Variants in LARS1 observed in about 807,000 individuals in gnomAD.
The protein encoded by LARS1 is leucine--tRNA ligase, cytoplasmic.
Under a neutral mutation model 162.8 loss-of-function variants are expected in LARS1, and 100 were observed. The ratio of observed to expected loss-of-function variants is 0.61; its 90% CI spans 0.52 to 0.73. LARS1 has a LOEUF of 0.73. LARS1 is among the 30% of genes least tolerant of loss of function. The pLI, the probability that LARS1 is intolerant of heterozygous loss-of-function variation, is 0.00. For missense variants in LARS1, 1,258 were observed against 1,408.9 expected (o/e 0.89, Z 1.71); for synonymous variants, 457 against 462.8 (o/e 0.99, Z 0.16).
At chr5:146,167,086 C>T (rs1324264760) in intron 5 of LARS1, among the ~76,000 whole-genome samples, 4 of 151,982 alleles carry the variant, frequency 2.6e-5, no homozygotes, top group East Asian at 3.9e-4. Context: ...GACCCGTATT[C>T]GTTAAAAGTA....
chr5:146,172,717 C>A lies in LARS1; in HGVS notation c.183G>T (p.Leu61Phe). Residue 61 changes from leucine to phenylalanine, a missense_variant, in exon 3 of 32, where the codon TTG becomes TTT. Physicochemically the swap from Leu to Phe is conservative, Grantham distance 22. Transcript: ENST00000394434. ...PYPYMNGRLHLGHTFSLSKCE... is the reference protein window; with the variant it reads ...PYPYMNGRLHFGHTFSLSKCE... ...ATTTGGATAAAGAAAACGTGTGTCC[C>A]AAATGAAGGCGTCCATTCATATATG... The A allele has an allele frequency of 6.3e-7, 1 of 1,584,304 alleles. No homozygotes were observed. The highest frequency in any genetic ancestry group is 8.6e-7 in the Non-Finnish European group (1 of 1,166,606).
intron 13 of LARS1, 84 bp from the exon 14 acceptor site, chr5:146,152,086 C>A: frequency 7.1e-7 from 1 of 1,406,214 alleles, no homozygotes; most frequent in Middle Eastern, 1.8e-4. Flanking sequence ...CCTCTAATGT[C>A]CAATTAAGTC....
chr5:146,136,653 T>C (rs1202352720), intron 21 of LARS1, among the ~76,000 whole-genome samples: 1 of 152,064 alleles, frequency 6.6e-6, no homozygotes, highest in African/African-American at 2.4e-5. Flanking sequence ...AGCTAATTTT[T>C]GTACTGTTAG....
intron 28 of LARS1, among the ~76,000 whole-genome samples, chr5:146,125,040 A>G (rs1433518158): frequency 1.3e-5 from 2 of 151,654 alleles, no homozygotes; most frequent in African/African-American, 4.8e-5. Context: ...CTATATATAT[A>G]TACATATACA....
intron 4 of LARS1, among the ~76,000 whole-genome samples, chr5:146,169,838 C>A (rs1457849187): frequency 6.6e-6 from 1 of 152,010 alleles, no homozygotes; most frequent in Non-Finnish European, 1.5e-5. Context: ...CGTGAGCCAC[C>A]GTGTCTGGCC....
chr5:146,124,061 C>G lies in LARS1; in HGVS notation c.3017G>C (p.Arg1006Pro), dbSNP rs986551702. Residue 1006 changes from arginine to proline, a missense_variant, in exon 29 of 32, where the codon CGT becomes CCT. By Grantham distance (103) the Arg-to-Pro change is moderately radical. Transcript: ENST00000394434. ...IKENLEKMGP[R>P]ILDLQLEFDE... is the part of the protein sequence containing the mutation. Reference sequence around the variant, plus strand: ...AAATTCTAATTGCAAATCCAGAATACGAGGCCCCATCTTCTCCAGATTTTC... The same window carrying G: ...AAATTCTAATTGCAAATCCAGAATAGGAGGCCCCATCTTCTCCAGATTTTC... The G allele has an allele frequency of 6.2e-7, 1 of 1,609,244 alleles. No individual in the cohort carries two copies. Among genetic ancestry groups the G allele is most frequent in the Non-Finnish European group, 8.5e-7 (1 of 1,177,248 alleles).
At chr5:146,144,785 T>C in intron 15 of LARS1, 76 bp from the exon 16 acceptor site, 1 of 1,325,466 alleles carries the variant, frequency 7.5e-7, no homozygotes, top group Non-Finnish European at 1.1e-6. Flanking sequence ...AAAATTACTT[T>C]AAAAAAATGC....
chr5:146,169,123 G>A (rs1019915991), intron 4 of LARS1, among the ~76,000 whole-genome samples: 3 of 151,618 alleles, frequency 2.0e-5, no homozygotes, highest in African/African-American at 7.3e-5. Flanking sequence ...AAGAAAGAAA[G>A]AAAGATAGAT....
At position 146,159,045 on chromosome 5, in the gene LARS1, G is replaced by A. The variant is rs189831270; in HGVS notation, c.771+362C>T. Among the ~76,000 whole-genome samples the A allele has an allele frequency of 2.0e-4, 30 of 151,592 alleles. No individual in the cohort carries two copies. In the East Asian group the frequency reaches 5.1e-3, roughly 26 times the overall value. On this transcript the variant is annotated intron_variant, in intron 8 of 31. Coordinates refer to ENST00000394434, the MANE Select transcript of LARS1 (RefSeq NM_020117.11). Reference sequence around the variant, plus strand: ...CAGGAGGCAGAGCTTGCAGTGAGCCGAGATAGCACCACTGCAGTCCGGTCT... The same window carrying A: ...CAGGAGGCAGAGCTTGCAGTGAGCCAAGATAGCACCACTGCAGTCCGGTCT...
At chr5:146,135,471 G>A (rs1156573215) in intron 22 of LARS1, 130 bp downstream of exon 22, 1 of 640,240 alleles carries the variant, frequency 1.6e-6, no homozygotes, top group East Asian at 3.0e-5. Flanking sequence ...ATCCACAAAG[G>A]AAACATTAAG....
At chr5:146,160,343 G>C (rs1470502283) in intron 7 of LARS1, 31 bp downstream of exon 7, 1 of 1,261,806 alleles carries the variant, frequency 7.9e-7, no homozygotes. Context: ...ACTGATTTTT[G>C]CTTTATTATG....
chr5:146,135,033 T>C (rs1175995324), intron 22 of LARS1, among the ~76,000 whole-genome samples: 1 of 151,860 alleles, frequency 6.6e-6, no homozygotes, highest in Non-Finnish European at 1.5e-5. Context: ...TGAGACAGAG[T>C]TTCACTCTTG....
intron 31 of LARS1, among the ~76,000 whole-genome samples, chr5:146,115,040 C>CGGG (rs199997204): frequency 1.1e-5 from 1 of 90,094 alleles, no homozygotes; most frequent in Non-Finnish European, 2.2e-5. Context: ...AAGATTCTGT[C>CGGG]GGGGGGAAAA....
intron 15 of LARS1, 99 bp downstream of exon 15, chr5:146,149,518 TTATTA>T (rs1753176319): frequency 2.5e-6 from 2 of 812,270 alleles, no homozygotes; most frequent in African/African-American, 1.7e-5. Flanking sequence ...TATGATATTT[TTATTA>T]TAGCTCCAGG....
chr5:146,160,116 GTATT>G (rs1000248293), intron 7 of LARS1, among the ~76,000 whole-genome samples: 1 of 151,984 alleles, frequency 6.6e-6, no homozygotes, highest in South Asian at 2.1e-4. Flanking sequence ...AGGCTACAAG[GTATT>G]TATTTATTCA....
intron 7 of LARS1, among the ~76,000 whole-genome samples, chr5:146,160,054 CA>C (rs1753709147): frequency 6.6e-6 from 1 of 151,722 alleles, no homozygotes; most frequent in African/African-American, 2.4e-5. Flanking sequence ...ACAAAGGATA[CA>C]AAAGAATAGA....
At chr5:146,123,456 T>C (rs1424961350) in intron 29 of LARS1, among the ~76,000 whole-genome samples, 1 of 151,994 alleles carries the variant, frequency 6.6e-6, no homozygotes, top group Non-Finnish European at 1.5e-5. Flanking sequence ...ATGTTCATTT[T>C]ATTATAAATT....
chr5:146,115,484 C>T (rs1213804687), intron 31 of LARS1, among the ~76,000 whole-genome samples: 2 of 142,648 alleles, frequency 1.4e-5, no homozygotes, highest in African/African-American at 5.2e-5. Context: ...GAAATTTAAG[C>T]TTTCAGAATT....
At position 146,126,537 on chromosome 5, in the gene LARS1, G is replaced by A. The variant is rs11540216; in HGVS notation, c.2889C>T (p.Asn963=). ...SVLRKHFEAN[N]GKLPDNKVIA... The stretch of plus-strand genomic sequence containing the variant: ...TGACTTTGTTGTCAGGCAGTTTTCC[G>A]TTATTGGCCTAAGAAAAGGAAGGAG... The change falls in exon 28 of 32, where the codon AAC becomes AAT. Residue 963 remains asparagine (N), a synonymous_variant. Coordinates refer to ENST00000394434, the MANE Select transcript of LARS1 (RefSeq NM_020117.11). 0.066 allele frequency: 105,511 copies of A among 1,606,700 alleles called. 3,925 individuals carry two copies. The highest frequency in any genetic ancestry group is 0.071 in the Non-Finnish European group (82,930 of 1,173,928).
Sources: allele counts gnomAD v4.1 joint callset (sites outside exome capture counted in the v4.1 genomes callset), GRCh38; gene constraint gnomAD v4.1.1; transcripts MANE v1.5; gene names NCBI Gene and HGNC (gene_info 2026-07-23, HGNC 2026-07-21).